Variants in HRH1 observed in about 807,000 individuals in gnomAD.
HRH1 encodes histamine receptor H1, also known as histamine H1 receptor.
A neutral mutation model predicts 10.3 loss-of-function variants in HRH1; 6 were observed. That is an observed-to-expected ratio of 0.58 (90% CI 0.32 to 1.15). The LOEUF (loss-of-function observed/expected upper bound fraction) is 1.15, where lower values mean the gene tolerates loss of function less well. Among genes scored for constraint, HRH1 ranks in the 50% most tolerant of loss-of-function variants. The pLI is 0.05. For missense variants in HRH1, 514 were observed against 615.3 expected, an observed-to-expected ratio of 0.84 and a Z score of 1.74; for synonymous variants, 242 against 236.7, an observed-to-expected ratio of 1.02 and a Z score of -0.21.
intron 1 of HRH1, among the ~76,000 whole-genome samples, chr3:11,232,391 A>G (rs899332372): frequency 6.6e-6 from 1 of 152,164 alleles, no homozygotes; most frequent in African/African-American, 2.4e-5. Flanking sequence ...CTCCTCCATT[A>G]AATTAATTTT....
Position 11,259,553 on chromosome 3 carries a change from C to A in HRH1, c.516C>A (p.Thr172=). The A allele has an allele frequency of 3.1e-6, 5 of 1,614,114 alleles. No individual in the cohort carries two copies. The highest frequency in any genetic ancestry group is 4.2e-6 in the Non-Finnish European group (5 of 1,180,026). Residue 172 remains threonine (T), a synonymous_variant, in exon 2 of 2, where the codon ACC becomes ACA. Coordinates refer to ENST00000431010, the MANE Select transcript of HRH1 (RefSeq NM_001098212.2). This position sits in a 1 kb window ranked among gnomAD's most constrained non-coding sequence, Gnocchi z 4.6. ...GCTGGAATCACTTCATGCAGCAGAC[C>A]TCGGTGCGCCGAGAGGACAAGTGTG... The part of the protein sequence containing the change: ...ILGWNHFMQQ[T]SVRREDKCET...
intron 1 of HRH1, among the ~76,000 whole-genome samples, chr3:11,177,886 C>T (rs1437938892): frequency 6.6e-6 from 1 of 152,234 alleles, no homozygotes; most frequent in Non-Finnish European, 1.5e-5. Context: ...CAGATTCTCA[C>T]TTGGCACAAA....
intron 1 of HRH1, among the ~76,000 whole-genome samples, chr3:11,177,202 T>C (rs1361000139): frequency 6.6e-6 from 1 of 151,648 alleles, no homozygotes; most frequent in Non-Finnish European, 1.5e-5. Context: ...GCCCAGGAGT[T>C]CAAGACCAGC....
chr3:11,252,540 G>A lies in HRH1; in HGVS notation c.-35-6463G>A, dbSNP rs147439709. ...TCCATCAGTATTGCTGTTTTCAACC[G>A]GAGTGAGGGTCTTTCCACTCAAAGG... On this transcript the variant is annotated intron_variant, in intron 1 of 1. Coordinates refer to ENST00000431010, the MANE Select transcript of HRH1 (RefSeq NM_001098212.2). Among the ~76,000 whole-genome samples, 31 of 152,272 alleles carry A rather than the reference G, an allele frequency of 2.0e-4. 1 individual carries two copies. The highest frequency in any genetic ancestry group is 5.5e-4 in the African/African-American group (23 of 41,550).
chr3:11,169,704 C>T lies in HRH1; in HGVS notation c.-36+15150C>T, dbSNP rs139285542. Among the ~76,000 whole-genome samples the T allele has an allele frequency of 9.8e-5, 15 of 152,286 alleles. No homozygotes were observed. In the East Asian group the frequency reaches 2.9e-3, roughly 29 times the overall value. On this transcript the variant is annotated intron_variant, in intron 1 of 1. Coordinates refer to ENST00000431010, the MANE Select transcript of HRH1 (RefSeq NM_001098212.2). ...TTCAAGAGGCAATACATCCTATTTC[C>T]CTTTGATAAAGCTCCCCATCCCATC... is the stretch of plus-strand genomic sequence containing the variant.
intron 1 of HRH1, among the ~76,000 whole-genome samples, chr3:11,212,065 T>C (rs1290828871): frequency 6.6e-6 from 1 of 152,010 alleles, no homozygotes; most frequent in Non-Finnish European, 1.5e-5. Flanking sequence ...TATTTGCTAT[T>C]GGGATTGTCC....
chr3:11,164,313 A>G (rs1936988058), intron 1 of HRH1, among the ~76,000 whole-genome samples: 1 of 152,122 alleles, frequency 6.6e-6, no homozygotes, highest in Non-Finnish European at 1.5e-5. Context: ...TAAAGAAGGG[A>G]AAGGAGATGT....
In HRH1 at chr3:11,257,575, AT is replaced by A. The variant is rs1376587839; in HGVS notation, c.-35-1427del. ...ACTCCATCTCAAAAAAAAAAAAAAA[AT>A]CTTAAAAACTCCTTCCAGAAGATTT... On this transcript the variant is annotated intron_variant, in intron 1 of 1. Coordinates refer to ENST00000431010, the MANE Select transcript of HRH1 (RefSeq NM_001098212.2). 9.9e-4 allele frequency among the ~76,000 whole-genome samples: 151 copies of A among 152,072 alleles called. 1 individual carries two copies. Among genetic ancestry groups the A allele is most frequent in the Non-Finnish European group, 1.7e-3 (115 of 67,972 alleles).
intron 1 of HRH1, among the ~76,000 whole-genome samples, chr3:11,185,303 A>G (rs1367346425): frequency 6.6e-6 from 1 of 152,340 alleles, no homozygotes; most frequent in East Asian, 1.9e-4. Context: ...TCACTGATGA[A>G]AACATCCTTC....
rs346068 is a variant in HRH1, at chr3:11,261,247, A to G, written c.*746A>G. On this transcript the variant is annotated 3_prime_UTR_variant, in exon 2 of 2. Coordinates refer to ENST00000431010, the MANE Select transcript of HRH1 (RefSeq NM_001098212.2). Reference sequence around the variant, plus strand: ...GCTATTAAAAAAGTGGTGGCAAAAGACATCCTCAAAAGAAAGAGAAATGAA... The same window carrying G: ...GCTATTAAAAAAGTGGTGGCAAAAGGCATCCTCAAAAGAAAGAGAAATGAA... 0.87 allele frequency: 145,690 copies of G among 167,154 alleles called. 63,750 individuals carry two copies. Among genetic ancestry groups the G allele is most frequent in the East Asian group, 1 (5,186 of 5,192 alleles). 10.4% of individuals were successfully genotyped at this position (167,154 alleles called of 1,614,324 possible).
At chr3:11,157,374 G>A (rs911100886) in intron 1 of HRH1, among the ~76,000 whole-genome samples, 3 of 152,218 alleles carry the variant, frequency 2.0e-5, no homozygotes, top group Non-Finnish European at 4.4e-5. Context: ...CCGGGAATTA[G>A]CTATAATTGC....
At chr3:11,210,551 G>A (rs1938293079) in intron 1 of HRH1, among the ~76,000 whole-genome samples, 1 of 152,152 alleles carries the variant, frequency 6.6e-6, no homozygotes, top group Non-Finnish European at 1.5e-5. Flanking sequence ...CAGCACTCTG[G>A]GAGCCCAAGG....
chr3:11,260,375 T>C lies in HRH1; in HGVS notation c.1338T>C (p.Asn446=), dbSNP rs775240240. The C allele has an allele frequency of 5.0e-6, 8 of 1,614,236 alleles. No individual in the cohort carries two copies. The highest frequency in any genetic ancestry group is 5.1e-6 in the Non-Finnish European group (6 of 1,180,036). The part of the protein sequence containing the change: ...MVIAFCKNCC[N]EHLHMFTIWL... ...TTGCCTTCTGCAAGAACTGTTGCAA[T>C]GAACATTTGCACATGTTCACCATCT... The change falls in exon 2 of 2, where the codon AAT becomes AAC. Residue 446 remains asparagine, a synonymous_variant. Transcript: ENST00000431010.
At chr3:11,233,478 G>A (rs371653262) in intron 1 of HRH1, among the ~76,000 whole-genome samples, 1 of 151,866 alleles carries the variant, frequency 6.6e-6, no homozygotes, top group Non-Finnish European at 1.5e-5. Flanking sequence ...CTTAGTTCAC[G>A]TTTCCTCTCT....
At chr3:11,203,209 C>T (rs1352618147) in intron 1 of HRH1, among the ~76,000 whole-genome samples, 3 of 152,204 alleles carry the variant, frequency 2.0e-5, no homozygotes, top group Admixed American at 1.3e-4. Flanking sequence ...AATAAAGCTG[C>T]TTTAAACACT....
intron 1 of HRH1, among the ~76,000 whole-genome samples, chr3:11,255,309 T>C (rs1316751938): frequency 6.6e-6 from 1 of 152,162 alleles, no homozygotes; most frequent in African/African-American, 2.4e-5. Flanking sequence ...CTCTCCCCTC[T>C]ATGTGCCAGA....
chr3:11,208,181 C>T (rs1181618656), intron 1 of HRH1, among the ~76,000 whole-genome samples: 10 of 145,238 alleles, frequency 6.9e-5, no homozygotes, highest in Non-Finnish European at 1.2e-4. Context: ...GAGACAGGCT[C>T]TCACTCTGTC....
chr3:11,241,876 ATAAAACACACCAATCAGCGCTCTG>A (rs373049000), intron 1 of HRH1, among the ~76,000 whole-genome samples: 86 of 151,514 alleles, frequency 5.7e-4, no homozygotes, highest in African/African-American at 2.1e-3. Flanking sequence ...TCTCTAAAAC[ATAAAACACACCAATCAGCGCTCTG>A]TAAAACGCAC....
chr3:11,161,943 C>T (rs35730704), intron 1 of HRH1, among the ~76,000 whole-genome samples: 47 of 152,294 alleles, frequency 3.1e-4, no homozygotes, highest in Middle Eastern at 3.4e-3. Context: ...AGAATGAAGA[C>T]AAAAGGCAAG....
Sources: gnomAD v4.1 joint callset for allele counts (sites outside exome capture counted in the v4.1 genomes callset) on GRCh38, gnomAD v4.1.1 for gene constraint, Gnocchi (gnomAD v3.1) non-coding constraint, MANE v1.5 for transcripts, NCBI Gene and HGNC (gene_info 2026-07-23, HGNC 2026-07-21) for gene names.